CENPP: variants seen among roughly 807,000 people sequenced by gnomAD.
The protein encoded by CENPP is centromere protein P.
A neutral mutation model predicts 35.6 loss-of-function variants in CENPP; 24 were observed. That is an observed-to-expected ratio of 0.67 (90% confidence interval 0.49 to 0.95). The LOEUF (loss-of-function observed/expected upper bound fraction) is 0.95. CENPP is among the 40% of genes least tolerant of loss of function. CENPP has a pLI of 0.00. For missense variants in CENPP, 332 were observed against 345.3 expected (o/e 0.96, Z 0.31); for synonymous variants, 120 against 125.5 (o/e 0.96, Z 0.29).
intron 5 of CENPP, among the ~76,000 whole-genome samples, chr9:92,480,304 C>G (rs1278473406): frequency 6.6e-6 from 1 of 152,184 alleles, no homozygotes. Flanking sequence ...TAAGAGAGGT[C>G]TTTGAGACTT....
chr9:92,459,244 C>A (rs1032320555), intron 5 of CENPP, among the ~76,000 whole-genome samples: 2 of 152,220 alleles, frequency 1.3e-5, no homozygotes, highest in East Asian at 3.8e-4. Flanking sequence ...GGAGCCTAAT[C>A]CTCTTGCTCT....
chr9:92,612,511 C>G lies in CENPP; in HGVS notation c.645-12C>G, dbSNP rs773020557. ...AAAAAGCACATAACGACATGTTTTA[C>G]TGCTTTTTCAGGTTTGAATTAGTCA... On this transcript the variant is annotated splice_polypyrimidine_tract_variant and intron_variant, in intron 6 of 7. Transcript: ENST00000375587. The G allele has an allele frequency of 6.2e-7, 1 of 1,601,996 alleles. No individual in the cohort carries two copies. Among genetic ancestry groups the G allele is most frequent in the South Asian group, 1.1e-5 (1 of 90,860 alleles).
intron 5 of CENPP, among the ~76,000 whole-genome samples, chr9:92,452,406 G>C (rs1397181929): frequency 4.0e-5 from 6 of 149,802 alleles, no homozygotes; most frequent in African/African-American, 9.8e-5. Context: ...TACATTTATT[G>C]ATTTGTGTAT....
At position 92,590,576 on chromosome 9, in the gene CENPP, T is replaced by A. The variant is rs74618639; in HGVS notation, c.565-20738T>A. ...GCGGGCCAGGGCTGCATAATCAAAGTTAGACAGTTGTTATGCAAGCTTCCT... is the reference window on the plus strand; with the variant it reads ...GCGGGCCAGGGCTGCATAATCAAAGATAGACAGTTGTTATGCAAGCTTCCT... On this transcript the variant is annotated intron_variant, in intron 5 of 7. Transcript: ENST00000375587. Among the ~76,000 whole-genome samples the A allele has an allele frequency of 3.7e-3, 571 of 152,326 alleles. 3 individuals carry two copies. The highest frequency in any genetic ancestry group is 6.3e-3 in the Non-Finnish European group (428 of 68,022).
At chr9:92,352,501 G>GTATACA (rs1841478475) in intron 4 of CENPP, among the ~76,000 whole-genome samples, 4 of 74,602 alleles carry the variant, frequency 5.4e-5, no homozygotes, top group Admixed American at 2.6e-4. Flanking sequence ...GTGTGTGTGT[G>GTATACA]TGTGTATACA....
intron 5 of CENPP, among the ~76,000 whole-genome samples, chr9:92,527,343 G>A (rs1308717982): frequency 6.6e-6 from 1 of 152,132 alleles, no homozygotes; most frequent in African/African-American, 2.4e-5. Context: ...ATACCATTCT[G>A]TTCCAGTTGC....
intron 5 of CENPP, among the ~76,000 whole-genome samples, chr9:92,430,297 T>G (rs1844073247): frequency 6.6e-6 from 1 of 151,826 alleles, no homozygotes; most frequent in Non-Finnish European, 1.5e-5. Flanking sequence ...CTTCTAGGAG[T>G]TTTTTTATGT....
At chr9:92,559,738 A>T (rs10820989) in intron 5 of CENPP, among the ~76,000 whole-genome samples, 2 of 151,894 alleles carry the variant, frequency 1.3e-5, no homozygotes, top group African/African-American at 4.8e-5. Flanking sequence ...TGGGCTCAAG[A>T]GATCCTCCTG....
Position 92,618,694 on chromosome 9 carries a change from C to G in CENPP, c.*5545C>G. 1 of 389,178 alleles carries G rather than the reference C, an allele frequency of 2.6e-6. No individual in the cohort carries two copies. The highest frequency in any genetic ancestry group is 1.9e-5 in the South Asian group (1 of 52,110). The allele number at this position is 389,178 out of a possible 1,614,324, so 24.1% of individuals were successfully genotyped here. A position where few individuals can be genotyped will look rare whatever the true frequency, so the allele number is the denominator to read the frequency against. ...AACCTTTTTTCTACTTCAGTTAGCC[C>G]TATAATGTTCCTCAGTATTTCATAT... On this transcript the variant is annotated 3_prime_UTR_variant, in exon 8 of 8. Transcript: ENST00000375587.
intron 5 of CENPP, among the ~76,000 whole-genome samples, chr9:92,413,514 G>C (rs1248589170): frequency 6.6e-6 from 1 of 152,094 alleles, no homozygotes; most frequent in Non-Finnish European, 1.5e-5. Flanking sequence ...GTTAGGAATT[G>C]TCTTATCTTT....
At chr9:92,609,496 C>G (rs138971277) in intron 5 of CENPP, among the ~76,000 whole-genome samples, 35 of 152,318 alleles carry the variant, frequency 2.3e-4, no homozygotes, top group African/African-American at 7.7e-4. Context: ...CCTCACTATC[C>G]TTCCCTAAGG....
At chr9:92,474,786 C>CA in intron 5 of CENPP, 1 of 1,604,508 alleles carries the variant, frequency 6.2e-7, no homozygotes, top group Non-Finnish European at 8.5e-7. Flanking sequence ...TCATCATCAT[C>CA]TGTGTCTTCC....
Position 92,619,727 on chromosome 9 carries a change from G to C in CENPP, c.*6578G>C, listed in dbSNP as rs868715047. On this transcript the variant is annotated 3_prime_UTR_variant, in exon 8 of 8. Coordinates refer to ENST00000375587, the MANE Select transcript of CENPP (RefSeq NM_001012267.3). ...CGGTGAGCACGGGCGTCAGGAGGTC[G>C]CCCTGTGAGAGCACCTGGGCCAGCC... 2 of 656,714 alleles carry C rather than the reference G, an allele frequency of 3.0e-6. No individual in the cohort carries two copies. The highest frequency in any genetic ancestry group is 5.4e-6 in the Non-Finnish European group (2 of 370,180). 40.7% of individuals were successfully genotyped at this position (656,714 alleles called of 1,614,324 possible). A position where few individuals can be genotyped will look rare whatever the true frequency, so the allele number is the denominator to read the frequency against.
chr9:92,538,648 G>A (rs1849245544), intron 5 of CENPP, among the ~76,000 whole-genome samples: 2 of 152,144 alleles, frequency 1.3e-5, no homozygotes, highest in Admixed American at 6.5e-5. Flanking sequence ...TGTTACATGA[G>A]TCCTTTTGCA....
intron 5 of CENPP, chr9:92,416,834 T>A (rs1377135825): frequency 5.0e-6 from 8 of 1,613,794 alleles, no homozygotes; most frequent in Non-Finnish European, 6.8e-6. Context: ...AATTGAATTA[T>A]TTTCTAAAGA....
At chr9:92,456,429 T>C (rs1844880496) in intron 5 of CENPP, 1 of 152,590 alleles carries the variant, frequency 6.6e-6, no homozygotes, top group African/African-American at 2.4e-5. Flanking sequence ...GAATTGTTAG[T>C]GTCCAGGCTC....
chr9:92,386,163 G>C, intron 5 of CENPP: 1 of 1,426,274 alleles, frequency 7.0e-7, no homozygotes, highest in Non-Finnish European at 9.9e-7. Flanking sequence ...TGACTCATAG[G>C]TAATTAGAGT....
At chr9:92,511,107 C>T (rs574744248) in intron 5 of CENPP, among the ~76,000 whole-genome samples, 1 of 152,106 alleles carries the variant, frequency 6.6e-6, no homozygotes, top group Non-Finnish European at 1.5e-5. Flanking sequence ...CTCTGAAATT[C>T]CTTGAATTCT....
At chr9:92,551,869 T>C (rs1849594078) in intron 5 of CENPP, among the ~76,000 whole-genome samples, 1 of 149,458 alleles carries the variant, frequency 6.7e-6, no homozygotes, top group South Asian at 2.1e-4. Flanking sequence ...AATGGAATAC[T>C]ATGGAGCCAT....
Sources: allele counts gnomAD v4.1 joint callset (sites outside exome capture counted in the v4.1 genomes callset), GRCh38; gene constraint gnomAD v4.1.1; transcripts MANE v1.5; gene names NCBI Gene and HGNC (gene_info 2026-07-23, HGNC 2026-07-21).